Variants in GLMN observed in about 807,000 individuals in gnomAD.
GLMN encodes glomulin, FKBP associated protein.
A neutral mutation model predicts 87.8 loss-of-function variants in GLMN; 75 were observed. The observed-to-expected ratio is 0.85, with a 90% CI of 0.71 to 1.04. GLMN has a LOEUF of 1.04. Ranked by LOEUF, GLMN falls within the 50% of genes least tolerant of loss-of-function variation. GLMN has a pLI of 0.00. For synonymous variants in GLMN, 206 were observed against 221.6 expected (o/e 0.93, Z 0.63); for missense variants, 588 against 658.8 (o/e 0.89, Z 1.18).
chr1:92,323,515 C>T, the GLMN span: 2 of 1,613,848 alleles, frequency 1.2e-6, no homozygotes, highest in South Asian at 1.1e-5. Context: ...CAATCCTAGC[C>T]ACTTTGAAAA....
At chr1:92,300,170 C>T, upstream of GLMN, 1 of 1,562,062 alleles carries the variant, frequency 6.4e-7, no homozygotes, top group Non-Finnish European at 8.8e-7. Context: ...CATTATGTAG[C>T]ACATGACTGT....
chr1:92,297,723 T>G (rs1408747511), intron 2 of GLMN, 194 bp from the exon 3 acceptor site: 1 of 638,942 alleles, frequency 1.6e-6, no homozygotes, highest in Non-Finnish European at 2.8e-6. Context: ...CCTTGAAATC[T>G]ACTGTACCAG....
the GLMN span, among the ~76,000 whole-genome samples, chr1:92,326,505 G>A: frequency 6.6e-6 from 1 of 152,142 alleles, no homozygotes; most frequent in Admixed American, 6.5e-5. Flanking sequence ...TCAGGCTGTG[G>A]GTAGGGCCGT....
chr1:92,297,068 T>C (rs1650153588), intron 3 of GLMN, among the ~76,000 whole-genome samples: 1 of 152,102 alleles, frequency 6.6e-6, no homozygotes, highest in Non-Finnish European at 1.5e-5. Context: ...TACATGTTTA[T>C]GTTTGACCAG....
At chr1:92,351,017 T>C in the GLMN span, among the ~76,000 whole-genome samples, 8 of 151,644 alleles carry the variant, frequency 5.3e-5, no homozygotes, top group African/African-American at 1.9e-4. Flanking sequence ...TATTTTGAAG[T>C]TAGAAAGGAC....
upstream of GLMN, chr1:92,299,148 T>C (rs895313933): frequency 3.3e-6 from 5 of 1,509,788 alleles, no homozygotes; most frequent in Non-Finnish European, 4.5e-6. Flanking sequence ...AAGCCGCAGG[T>C]AGGAGCAAGG....
chr1:92,293,706 T>G (rs1388810118), intron 3 of GLMN, among the ~76,000 whole-genome samples: 1 of 152,080 alleles, frequency 6.6e-6, no homozygotes, highest in East Asian at 1.9e-4. Flanking sequence ...GGAAGCAACC[T>G]AAGTGTCCAT....
chr1:92,345,708 C>A, the GLMN span: 42 of 588,008 alleles, frequency 7.1e-5, 1 homozygote, highest in Admixed American at 1.3e-3. Context: ...ACTATTGACT[C>A]TTTCCTGTCA....
chr1:92,305,432 C>CAAAAAAAAAAAAAAAAAAAAAAAAA, the GLMN span, among the ~76,000 whole-genome samples: 49 of 52,670 alleles, frequency 9.3e-4, 1 homozygote, highest in East Asian at 5.5e-3. Context: ...GGCTCCGTCT[C>CAAAAAAAAAAAAAAAAAAAAAAAAA]AAAAAAAAAA....
chr1:92,369,030 A>G, the GLMN span, among the ~76,000 whole-genome samples: 1 of 152,180 alleles, frequency 6.6e-6, no homozygotes, highest in East Asian at 1.9e-4. Context: ...AATTATATTC[A>G]CCAGCAGATA....
the GLMN span, among the ~76,000 whole-genome samples, chr1:92,325,788 A>AT: frequency 2.0e-5 from 3 of 151,446 alleles, no homozygotes; most frequent in African/African-American, 4.9e-5. Context: ...TAGTTCTGTC[A>AT]TTTTTTTTCC....
the GLMN span, among the ~76,000 whole-genome samples, chr1:92,341,684 G>A: frequency 5.3e-5 from 8 of 152,086 alleles, no homozygotes; most frequent in African/African-American, 9.7e-5. Flanking sequence ...TTGCTCTGTC[G>A]TCCAGGCTGG....
Position 92,247,945 on chromosome 1 carries a change from T to G in GLMN, c.1518A>C (p.Leu506Phe), listed in dbSNP as rs1287816897. Reference protein sequence around the residue: ...TELGNIENNFLKPLHIGLNMS... With the variant: ...TELGNIENNFFKPLHIGLNMS... ...TATTAAGTCCTATATGAAGTGGCTTTAAGAAATTATTCTCAATATTTCCAA... is the reference window on the plus strand; with the variant it reads ...TATTAAGTCCTATATGAAGTGGCTTGAAGAAATTATTCTCAATATTTCCAA... Residue 506 changes from leucine (L) to phenylalanine (F), a missense_variant, in exon 17 of 19, where the codon TTA (leucine) becomes TTC (phenylalanine). Leu to Phe is a conservative substitution (Grantham distance 22, BLOSUM62 0). Coordinates refer to ENST00000370360, the MANE Select transcript of GLMN (RefSeq NM_053274.3). 7.1e-7 allele frequency: 1 copy of G among 1,409,478 alleles called. No individual in the cohort carries two copies. Among genetic ancestry groups the G allele is most frequent in the Non-Finnish European group, 1.0e-6 (1 of 994,898 alleles). The allele number at this position is 1,409,478 out of a possible 1,614,324, so 87.3% of individuals were successfully genotyped here.
In GLMN at chr1:92,288,979, T is replaced by C; in HGVS notation, c.567A>G (p.Glu189=). The C allele has an allele frequency of 6.2e-7, 1 of 1,612,836 alleles. No individual in the cohort carries two copies. Among genetic ancestry groups the C allele is most frequent in the Non-Finnish European group, 8.5e-7 (1 of 1,178,842 alleles). The part of the protein sequence containing the change: ...ALIEFTKPFV[E]EVIDNKENSL... ...AGTTTTCTTTGTTATCAATGACTTC[T>C]TCCACAAAAGGCTTAGTGAACTCTA... Residue 189 remains glutamate (E), a synonymous_variant, in exon 6 of 19, where the codon GAA becomes GAG. Transcript: ENST00000370360.
chr1:92,334,830 C>CA, the GLMN span, among the ~76,000 whole-genome samples: 2 of 151,318 alleles, frequency 1.3e-5, no homozygotes, highest in African/African-American at 4.9e-5. Flanking sequence ...ACTAAAAATA[C>CA]AAAAAAAATT....
At chr1:92,264,221 G>T (rs972478877) in intron 14 of GLMN, among the ~76,000 whole-genome samples, 2 of 152,064 alleles carry the variant, frequency 1.3e-5, no homozygotes, top group African/African-American at 4.8e-5. Flanking sequence ...GCTGAGTTGG[G>T]AGAACTGCTT....
At chr1:92,256,276 A>G (rs1654232526) in intron 16 of GLMN, among the ~76,000 whole-genome samples, 1 of 152,122 alleles carries the variant, frequency 6.6e-6, no homozygotes, top group South Asian at 2.1e-4. Context: ...TACAATAAAA[A>G]AAAAAGCCCA....
chr1:92,247,087 T>C lies in GLMN; in HGVS notation c.1643A>G (p.Asn548Ser), dbSNP rs758397101. 1.9e-6 allele frequency: 3 copies of C among 1,566,220 alleles called. No individual in the cohort carries two copies. The highest frequency in any genetic ancestry group is 2.6e-6 in the Non-Finnish European group (3 of 1,137,368). The change falls in exon 18 of 19, where the codon AAT becomes AGT. Residue 548 changes from asparagine (N) to serine (S), a missense_variant. Asn to Ser is a conservative substitution (Grantham distance 46, BLOSUM62 1). Transcript: ENST00000370360. ...SITVSGEEIP[N>S]MPPEMQLKVL... is the part of the protein sequence containing the mutation. ...CTTAAGCTGCATTTCAGGAGGCATA[T>C]TAGGGATCTCTTCTCCACTTACAGT...
chr1:92,261,789 GT>G (rs138955060), intron 16 of GLMN, among the ~76,000 whole-genome samples: 39 of 140,906 alleles, frequency 2.8e-4, no homozygotes, highest in African/African-American at 9.4e-4. Flanking sequence ...GACGTCTGCA[GT>G]TTACTTTGAA....
Sources: gnomAD v4.1 joint callset for allele counts (sites outside exome capture counted in the v4.1 genomes callset) on GRCh38, gnomAD v4.1.1 for gene constraint, MANE v1.5 for transcripts, NCBI Gene and HGNC (gene_info 2026-07-23, HGNC 2026-07-21) for gene names.